MAML3: variants seen among roughly 807,000 people sequenced by gnomAD.
The protein encoded by MAML3 is mastermind like transcriptional coactivator 3.
In MAML3, 27 loss-of-function variants were observed where a neutral mutation model predicts 101.9. The observed-to-expected ratio is 0.27, with a 90% CI of 0.20 to 0.37. The LOEUF is 0.37. Ranked by LOEUF, MAML3 falls within the 10% of genes least tolerant of loss-of-function variation. The pLI is 1.00. For missense variants in MAML3, 1,316 were observed against 1,444.9 expected (o/e 0.91, Z 1.45); for synonymous variants, 501 against 555.9 (o/e 0.90, Z 1.39).
intron 1 of MAML3, among the ~76,000 whole-genome samples, chr4:140,038,098 G>A (rs897984226): frequency 2.0e-5 from 3 of 152,356 alleles, no homozygotes; most frequent in African/African-American, 7.2e-5. Flanking sequence ...AAAGATCACA[G>A]GATACTTCAG....
intron 2 of MAML3, among the ~76,000 whole-genome samples, chr4:139,822,789 T>C (rs1399042754): frequency 6.6e-6 from 1 of 152,202 alleles, no homozygotes; most frequent in Non-Finnish European, 1.5e-5. Flanking sequence ...TTCCAGTTAA[T>C]GAATGGGAGA....
At chr4:139,750,255 C>T (rs12642916) in intron 2 of MAML3, among the ~76,000 whole-genome samples, 10,191 of 152,196 alleles carry the variant, frequency 0.067, 502 homozygotes, top group East Asian at 0.095. Context: ...GTGACAATTC[C>T]CCAGTCCTTC....
chr4:139,940,054 G>C (rs1389361588), intron 1 of MAML3, among the ~76,000 whole-genome samples: 1 of 152,080 alleles, frequency 6.6e-6, no homozygotes, highest in Non-Finnish European at 1.5e-5. Flanking sequence ...ATGAGCCACC[G>C]CGTCCAGCCC....
chr4:140,117,648 GGT>G (rs1491415321), intron 1 of MAML3, among the ~76,000 whole-genome samples: 2 of 134,430 alleles, frequency 1.5e-5, no homozygotes, highest in Admixed American at 7.6e-5. Context: ...TGTGTATACA[GGT>G]ATATATATAT....
At chr4:140,050,754 C>A (rs1307650032) in intron 1 of MAML3, among the ~76,000 whole-genome samples, 1 of 152,176 alleles carries the variant, frequency 6.6e-6, no homozygotes, top group African/African-American at 2.4e-5. Context: ...CCAACTCTCG[C>A]AGCGATTCTA....
intron 1 of MAML3, among the ~76,000 whole-genome samples, chr4:140,136,904 G>A (rs1417327648): frequency 6.6e-6 from 1 of 152,132 alleles, no homozygotes; most frequent in East Asian, 1.9e-4. Flanking sequence ...CCAGTGGCTG[G>A]GTTGCTTTTT....
chr4:139,995,112 T>G (rs1333710680), intron 1 of MAML3, among the ~76,000 whole-genome samples: 1 of 152,162 alleles, frequency 6.6e-6, no homozygotes, highest in South Asian at 2.1e-4. Context: ...TTGGGTTTTG[T>G]CAAATGATTT....
At chr4:140,109,973 T>G (rs780554184) in intron 1 of MAML3, among the ~76,000 whole-genome samples, 18 of 152,220 alleles carry the variant, frequency 1.2e-4, no homozygotes, top group Non-Finnish European at 2.2e-4. Context: ...AATTATTTTA[T>G]TCCTCTCACA....
intron 2 of MAML3, among the ~76,000 whole-genome samples, chr4:139,887,567 C>T (rs1257938186): frequency 6.6e-6 from 1 of 152,204 alleles, no homozygotes; most frequent in Non-Finnish European, 1.5e-5. Flanking sequence ...CATGTTCCCG[C>T]AAAGACAGGA....
chr4:140,079,037 T>A (rs35495124), intron 1 of MAML3, among the ~76,000 whole-genome samples: 8,798 of 152,158 alleles, frequency 0.058, 459 homozygotes, highest in East Asian at 0.25. Context: ...ACCTTCTGAA[T>A]CCCATGCTGG....
intron 1 of MAML3, among the ~76,000 whole-genome samples, chr4:139,916,459 G>A (rs372886972): frequency 1.3e-5 from 2 of 152,324 alleles, no homozygotes; most frequent in East Asian, 3.9e-4. Context: ...GGCCACCTGT[G>A]TGGGGTCATG....
intron 2 of MAML3, among the ~76,000 whole-genome samples, chr4:139,772,235 G>T (rs1403096351): frequency 2.5e-5 from 1 of 39,720 alleles, no homozygotes; most frequent in Non-Finnish European, 4.5e-5. Flanking sequence ...GCGAGACTCC[G>T]TTCTCAAAAA....
intron 4 of MAML3, among the ~76,000 whole-genome samples, chr4:139,725,052 C>A (rs1164030932): frequency 1.3e-5 from 2 of 152,202 alleles, no homozygotes; most frequent in African/African-American, 4.8e-5. Context: ...AGCCACCGCA[C>A]CCGGCCAAGG....
chr4:139,996,251 G>A (rs970970359), intron 1 of MAML3, among the ~76,000 whole-genome samples: 4 of 152,152 alleles, frequency 2.6e-5, no homozygotes, highest in African/African-American at 9.7e-5. Context: ...TTCTATGTAT[G>A]TCAGTTAGGT....
intron 2 of MAML3, among the ~76,000 whole-genome samples, chr4:139,787,596 GT>G: frequency 6.6e-6 from 1 of 152,256 alleles, no homozygotes; most frequent in Middle Eastern, 3.4e-3. Context: ...TAGCACTAAT[GT>G]TTTATATGTT....
At chr4:139,909,154 T>G (rs1270612706) in intron 1 of MAML3, among the ~76,000 whole-genome samples, 2 of 152,202 alleles carry the variant, frequency 1.3e-5, no homozygotes, top group Non-Finnish European at 2.9e-5. Flanking sequence ...ATCACTCTGT[T>G]AAACTTTTCT....
intron 2 of MAML3, among the ~76,000 whole-genome samples, chr4:139,758,388 CT>C (rs1017970023): frequency 6.6e-6 from 1 of 152,060 alleles, no homozygotes; most frequent in African/African-American, 2.4e-5. Context: ...TATCTTTTAA[CT>C]TTTTTTTGTT....
At chr4:140,135,667 A>T (rs1368069791) in intron 1 of MAML3, among the ~76,000 whole-genome samples, 1 of 152,188 alleles carries the variant, frequency 6.6e-6, no homozygotes, top group Non-Finnish European at 1.5e-5. Flanking sequence ...CATACACCCA[A>T]TGCCGAGAGA....
chr4:139,844,829 A>G (rs1182122965), intron 2 of MAML3, among the ~76,000 whole-genome samples: 1 of 152,250 alleles, frequency 6.6e-6, no homozygotes, highest in African/African-American at 2.4e-5. Context: ...CAGGTTGAGT[A>G]AGAAGCAGAG....
Sources: allele counts gnomAD v4.1 joint callset (sites outside exome capture counted in the v4.1 genomes callset), GRCh38; gene constraint gnomAD v4.1.1; transcripts MANE v1.5; gene names NCBI Gene and HGNC (gene_info 2026-07-23, HGNC 2026-07-21).